The following GALNT17 variants were observed in gnomAD, a reference collection of about 807,000 sequenced individuals.
GALNT17 encodes the protein UDP-GalNAc:polypeptide N-acetylgalactosaminyltransferase-like 3.
A neutral mutation model predicts 63.7 loss-of-function variants in GALNT17; 29 were observed. The observed-to-expected ratio is 0.46, with a 90% CI of 0.34 to 0.62. GALNT17 has a LOEUF of 0.62. Ranked by LOEUF, GALNT17 falls within the 20% of genes least tolerant of loss-of-function variation. The pLI, the probability that GALNT17 is intolerant of heterozygous loss-of-function variation, is 0.01. For missense variants in GALNT17, 603 were observed against 799.6 expected (o/e 0.75, Z 2.97); for synonymous variants, 305 against 318.3 (o/e 0.96, Z 0.45).
At chr7:71,153,948 AAAAAAT>A (rs1788181861) in intron 1 of GALNT17, among the ~76,000 whole-genome samples, 1 of 132,192 alleles carries the variant, frequency 7.6e-6, no homozygotes, top group Non-Finnish European at 1.7e-5. Flanking sequence ...ATAAAAAATA[AAAAAAT>A]AAAAATGTAT....
intron 5 of GALNT17, among the ~76,000 whole-genome samples, chr7:71,464,778 G>A (rs1787508664): frequency 6.6e-6 from 1 of 152,134 alleles, no homozygotes; most frequent in African/African-American, 2.4e-5. Flanking sequence ...CATGAGAAGA[G>A]ACTGCTTTCT....
intron 1 of GALNT17, among the ~76,000 whole-genome samples, chr7:71,136,481 C>A (rs932231476): frequency 1.3e-4 from 19 of 151,982 alleles, no homozygotes; most frequent in Admixed American, 1.2e-3. Flanking sequence ...TCTACCTCCT[C>A]CTGGCTTCCT....
At chr7:71,616,881 A>AATTAATATATAATTCTTATAAGAATCAT (rs1790213662) in intron 6 of GALNT17, among the ~76,000 whole-genome samples, 1 of 125,596 alleles carries the variant, frequency 8.0e-6, no homozygotes, top group East Asian at 2.2e-4. Flanking sequence ...TACATTATAT[A>AATTAATATATAATTCTTATAAGAATCAT]ATTAAGAATA....
intron 6 of GALNT17, among the ~76,000 whole-genome samples, chr7:71,626,909 G>T (rs907841199): frequency 3.3e-5 from 5 of 152,150 alleles, no homozygotes; most frequent in Admixed American, 2.0e-4. Context: ...GCTGGGTGAT[G>T]GGGTCTCAAT....
intron 6 of GALNT17, among the ~76,000 whole-genome samples, chr7:71,594,503 T>C (rs2116923251): frequency 6.6e-6 from 1 of 152,238 alleles, no homozygotes; most frequent in Admixed American, 6.5e-5. Flanking sequence ...TTGCCCAGGC[T>C]GGTCTGGAAC....
At chr7:71,281,702 G>C (rs952647258) in intron 1 of GALNT17, among the ~76,000 whole-genome samples, 1 of 152,156 alleles carries the variant, frequency 6.6e-6, no homozygotes, top group African/African-American at 2.4e-5. Context: ...ACGTGCCCCT[G>C]TTTCCTTAAC....
intron 5 of GALNT17, among the ~76,000 whole-genome samples, chr7:71,540,606 G>A (rs1381547748): frequency 6.6e-6 from 1 of 151,836 alleles, no homozygotes; most frequent in East Asian, 1.9e-4. Context: ...CTAGGGTTTT[G>A]TGTTGTTTTT....
intron 2 of GALNT17, among the ~76,000 whole-genome samples, chr7:71,362,013 G>A (rs1792411672): frequency 6.6e-6 from 1 of 152,086 alleles, no homozygotes; most frequent in Non-Finnish European, 1.5e-5. Context: ...CTGGGGTACA[G>A]TGGTGCAGTC....
intron 1 of GALNT17, among the ~76,000 whole-genome samples, chr7:71,231,729 AGAGAGAGAGG>A (rs1352210964): frequency 7.1e-6 from 1 of 140,542 alleles, no homozygotes; most frequent in Non-Finnish European, 1.5e-5. Flanking sequence ...TGGGGGAGGG[AGAGAGAGAGG>A]GAGGGAGAGG....
chr7:71,137,313 G>A (rs1448867539), intron 1 of GALNT17, among the ~76,000 whole-genome samples: 2 of 151,402 alleles, frequency 1.3e-5, no homozygotes, highest in African/African-American at 4.9e-5. Flanking sequence ...CTAATTTTTT[G>A]TATTTTTAGT....
chr7:71,692,011 A>G (rs1308897750), intron 9 of GALNT17, among the ~76,000 whole-genome samples: 1 of 151,866 alleles, frequency 6.6e-6, no homozygotes, highest in African/African-American at 2.4e-5. Flanking sequence ...TCCTGGATTC[A>G]AGCAATCCTC....
Position 71,289,340 on chromosome 7 carries a change from G to T in GALNT17, c.239-46210G>T, listed in dbSNP as rs182083977. 2.0e-5 allele frequency among the ~76,000 whole-genome samples: 3 copies of T among 151,786 alleles called. No homozygotes were observed. In the East Asian group the frequency reaches 5.8e-4, roughly 29 times the overall value. ...TATGTACATTTACTGGATCATACAC[G>T]TAAATACAGAGATATATTTATATGT... On this transcript the variant is annotated intron_variant, in intron 1 of 10. Transcript: ENST00000333538.
chr7:71,137,631 C>T (rs1361488018), intron 1 of GALNT17, among the ~76,000 whole-genome samples: 2 of 151,996 alleles, frequency 1.3e-5, no homozygotes, highest in African/African-American at 2.4e-5. Flanking sequence ...GGGGTGGGGG[C>T]TGGGAGGACT....
intron 2 of GALNT17, among the ~76,000 whole-genome samples, chr7:71,344,750 C>T (rs1792060859): frequency 6.6e-6 from 1 of 152,072 alleles, no homozygotes; most frequent in African/African-American, 2.4e-5. Context: ...TATTATTGTG[C>T]TACTTTTATA....
intron 6 of GALNT17, among the ~76,000 whole-genome samples, chr7:71,624,099 T>A (rs2116976642): frequency 6.6e-6 from 1 of 152,298 alleles, no homozygotes. Flanking sequence ...GCTGTCCCAC[T>A]CTGTGCTTAC....
intron 5 of GALNT17, among the ~76,000 whole-genome samples, chr7:71,475,967 A>G: frequency 6.8e-6 from 1 of 147,496 alleles, no homozygotes; most frequent in East Asian, 2.7e-4. Flanking sequence ...TATAAATTTT[A>G]GTGATACTAC....
intron 1 of GALNT17, among the ~76,000 whole-genome samples, chr7:71,209,270 C>G (rs965773196): frequency 1.3e-5 from 2 of 152,212 alleles, no homozygotes; most frequent in Non-Finnish European, 2.9e-5. Flanking sequence ...TTAGCAGTCT[C>G]TTCCTCAGGT....
At chr7:71,663,682 G>A (rs34573793) in intron 6 of GALNT17, among the ~76,000 whole-genome samples, 3 of 152,184 alleles carry the variant, frequency 2.0e-5, no homozygotes, top group Admixed American at 2.0e-4. Context: ...TTTCCCTGTG[G>A]TATAACCGAA....
chr7:71,592,557 AGCAT>A (rs1789823032), intron 6 of GALNT17, among the ~76,000 whole-genome samples: 5 of 136,432 alleles, frequency 3.7e-5, no homozygotes, highest in Admixed American at 7.5e-5. Flanking sequence ...AGCATAGCAT[AGCAT>A]ACTAAAATAA....
Sources: allele counts gnomAD v4.1 joint callset (sites outside exome capture counted in the v4.1 genomes callset), GRCh38; gene constraint gnomAD v4.1.1; transcripts MANE v1.5; gene names NCBI Gene and HGNC (gene_info 2026-07-23, HGNC 2026-07-21).